LRRC8C: variants seen among roughly 807,000 people sequenced by gnomAD.
LRRC8C encodes volume-regulated anion channel subunit LRRC8C.
A neutral mutation model predicts 55.3 loss-of-function variants in LRRC8C; 20 were observed. That is an observed-to-expected ratio of 0.36 (90% confidence interval 0.25 to 0.53). LRRC8C has a LOEUF of 0.53. Ranked by LOEUF, LRRC8C falls within the 20% of genes least tolerant of loss-of-function variation. The pLI is 0.92. For synonymous variants in LRRC8C, 376 were observed against 360.7 expected, an observed-to-expected ratio of 1.04 and a Z score of -0.48; for missense variants, 659 against 951.4, an observed-to-expected ratio of 0.69 and a Z score of 4.04.
chr1:89,633,108 C>G (rs1168263088), upstream of LRRC8C: 1 of 151,934 alleles, frequency 6.6e-6, no homozygotes, highest in Non-Finnish European at 1.5e-5. Flanking sequence ...GGAGGGCTTG[C>G]GGGGCTGGGG....
chr1:89,662,308 G>A (rs1657142656), intron 1 of LRRC8C, among the ~76,000 whole-genome samples: 1 of 152,336 alleles, frequency 6.6e-6, no homozygotes, highest in African/African-American at 2.4e-5. Flanking sequence ...GGAGCAAAGC[G>A]AGTGTGCAGG....
the LRRC8C span, among the ~76,000 whole-genome samples, chr1:89,621,326 A>G: frequency 0.096 from 14,223 of 148,766 alleles, 2,148 homozygotes; most frequent in African/African-American, 0.33. Flanking sequence ...AAAATTAGCC[A>G]GGCGTGGTGG....
At chr1:89,656,808 G>C (rs1453308163) in intron 1 of LRRC8C, among the ~76,000 whole-genome samples, 1 of 152,192 alleles carries the variant, frequency 6.6e-6, no homozygotes, top group Non-Finnish European at 1.5e-5. Context: ...ATTCCCAAGA[G>C]AGAAGCCTAG....
intron 1 of LRRC8C, among the ~76,000 whole-genome samples, chr1:89,634,555 C>T (rs1023511433): frequency 1.3e-5 from 2 of 152,020 alleles, no homozygotes; most frequent in African/African-American, 4.8e-5. Context: ...GCCATTTAGA[C>T]GAAAAAGGAG....
At chr1:89,616,201 TGACA>T in the LRRC8C span, among the ~76,000 whole-genome samples, 1 of 152,120 alleles carries the variant, frequency 6.6e-6, no homozygotes, top group African/African-American at 2.4e-5. Context: ...GATTTATTAA[TGACA>T]AACAGACAGT....
chr1:89,660,992 T>C (rs1243994283), intron 1 of LRRC8C, among the ~76,000 whole-genome samples: 1 of 152,220 alleles, frequency 6.6e-6, no homozygotes, highest in Non-Finnish European at 1.5e-5. Flanking sequence ...TCTGGTAGCC[T>C]TTTGTATTCC....
chr1:89,697,742 GA>G (rs1431603919), intron 2 of LRRC8C, among the ~76,000 whole-genome samples: 1 of 152,060 alleles, frequency 6.6e-6, no homozygotes, highest in Non-Finnish European at 1.5e-5. Flanking sequence ...AGCAGAATGA[GA>G]AGAAGCTGCT....
chr1:89,637,936 T>C (rs1004142128), intron 1 of LRRC8C, among the ~76,000 whole-genome samples: 4 of 152,158 alleles, frequency 2.6e-5, no homozygotes, highest in Admixed American at 2.6e-4. Flanking sequence ...TAAGTCTAAG[T>C]CTAACATTCG....
At chr1:89,706,870 C>T (rs1207545084) in intron 2 of LRRC8C, among the ~76,000 whole-genome samples, 4 of 152,220 alleles carry the variant, frequency 2.6e-5, no homozygotes, top group East Asian at 3.9e-4. Context: ...CCTCTTTTAT[C>T]TTTTCAAAAA....
intron 2 of LRRC8C, among the ~76,000 whole-genome samples, chr1:89,695,521 C>T (rs150252734): frequency 5.8e-4 from 88 of 152,244 alleles, no homozygotes; most frequent in African/African-American, 1.9e-3. Context: ...ATGCTTAATG[C>T]AAGCTGAGAC....
the LRRC8C span, among the ~76,000 whole-genome samples, chr1:89,627,290 A>G: frequency 6.6e-6 from 1 of 151,478 alleles, no homozygotes; most frequent in Non-Finnish European, 1.5e-5. Context: ...TATATTTCTT[A>G]TTATATCATA....
intron 1 of LRRC8C, among the ~76,000 whole-genome samples, chr1:89,674,176 G>A (rs1211722285): frequency 6.6e-6 from 1 of 152,122 alleles, no homozygotes; most frequent in Non-Finnish European, 1.5e-5. Context: ...TCTATCTTCA[G>A]AAACAATGTA....
upstream of LRRC8C, among the ~76,000 whole-genome samples, chr1:89,630,509 A>G (rs1656078758): frequency 6.6e-6 from 1 of 152,236 alleles, no homozygotes; most frequent in South Asian, 2.1e-4. Context: ...CTGGAAGTCC[A>G]ATTAGAATGT....
At chr1:89,664,434 C>T (rs1189568103) in intron 1 of LRRC8C, among the ~76,000 whole-genome samples, 2 of 152,120 alleles carry the variant, frequency 1.3e-5, no homozygotes, top group Non-Finnish European at 2.9e-5. Flanking sequence ...TCAGGTTTGT[C>T]AAAGATCAGA....
intron 1 of LRRC8C, among the ~76,000 whole-genome samples, chr1:89,662,932 C>T (rs563484213): frequency 2.6e-5 from 4 of 152,076 alleles, no homozygotes; most frequent in Admixed American, 1.3e-4. Context: ...ATCAACCCGT[C>T]GTCTACATTG....
intron 2 of LRRC8C, among the ~76,000 whole-genome samples, chr1:89,705,413 T>TA (rs1174895267): frequency 6.6e-6 from 1 of 151,514 alleles, no homozygotes; most frequent in Non-Finnish European, 1.5e-5. Flanking sequence ...CCCTAAAACT[T>TA]AAAGTATAAT....
At chr1:89,628,601 T>C (rs1200159564), upstream of LRRC8C, among the ~76,000 whole-genome samples, 4 of 152,108 alleles carry the variant, frequency 2.6e-5, no homozygotes, top group African/African-American at 4.8e-5. Context: ...TGTGTAGAAA[T>C]ATGATTGGAC....
intron 1 of LRRC8C, among the ~76,000 whole-genome samples, chr1:89,684,404 A>C (rs867111761): frequency 2.6e-5 from 4 of 152,222 alleles, no homozygotes; most frequent in African/African-American, 7.2e-5. Context: ...GATCACCCCA[A>C]ATCTGAGTTG....
chr1:89,659,048 G>GTTTTTTTGT (rs1301576464), intron 1 of LRRC8C, among the ~76,000 whole-genome samples: 12 of 26,230 alleles, frequency 4.6e-4, no homozygotes, highest in South Asian at 2.9e-3. Flanking sequence ...TCTTCTCCAG[G>GTTTTTTTGT]TTTTTTTTTT....
Sources: allele counts gnomAD v4.1 joint callset (sites outside exome capture counted in the v4.1 genomes callset), GRCh38; gene constraint gnomAD v4.1.1; transcripts MANE v1.5; gene names NCBI Gene and HGNC (gene_info 2026-07-23, HGNC 2026-07-21).